The following SEMA3C variants were observed in gnomAD, a reference collection of about 807,000 sequenced individuals.
SEMA3C encodes semaphorin-3C.
A neutral mutation model predicts 89.4 loss-of-function variants in SEMA3C; 47 were observed. The observed-to-expected ratio is 0.53, with a 90% CI of 0.42 to 0.67. The LOEUF (loss-of-function observed/expected upper bound fraction) is 0.67. Among genes scored for constraint, SEMA3C ranks in the 30% least tolerant of loss-of-function variants. The pLI is 0.00. For synonymous variants in SEMA3C, 310 were observed against 320.2 expected (o/e 0.97, Z 0.34); for missense variants, 839 against 929.1 (o/e 0.90, Z 1.26).
intron 4 of SEMA3C, among the ~76,000 whole-genome samples, chr7:80,823,931 A>AT (rs1211818429): frequency 6.6e-6 from 1 of 152,142 alleles, no homozygotes; most frequent in Non-Finnish European, 1.5e-5. Context: ...AGAGAGAGAA[A>AT]TGGGGAGTAG....
chr7:80,847,553 C>T (rs2115917081), intron 2 of SEMA3C, among the ~76,000 whole-genome samples: 1 of 152,278 alleles, frequency 6.6e-6, no homozygotes, highest in Non-Finnish European at 1.5e-5. Flanking sequence ...TACAGAGGAA[C>T]ATACTTAAAC....
chr7:80,844,086 C>T lies in SEMA3C; in HGVS notation c.104-15341G>A, dbSNP rs547460271. On this transcript the variant is annotated intron_variant, in intron 2 of 17. Coordinates refer to ENST00000265361, the MANE Select transcript of SEMA3C (RefSeq NM_006379.5). The stretch of plus-strand genomic sequence containing the variant: ...CTTTCCCACATTTTGAATTTAAGTG[C>T]CAGTGTCCACACTCTCCTGTCCCCA... Among the ~76,000 whole-genome samples, 4 of 152,234 alleles carry T rather than the reference C, an allele frequency of 2.6e-5. No homozygotes were observed. The South Asian group carries it at 8.3e-4, about 32-fold the overall frequency.
At position 80,795,637 on chromosome 7, in the gene SEMA3C, G is replaced by T. The variant is rs181206497; in HGVS notation, c.1131+2455C>A. Among the ~76,000 whole-genome samples the T allele has an allele frequency of 8.3e-4, 126 of 152,314 alleles. 2 individuals are homozygous for T. The highest frequency in any genetic ancestry group is 4.6e-3 in the South Asian group (22 of 4,828). The stretch of plus-strand genomic sequence containing the variant: ...TTGGTTTATTCTGTTTTACTAAAAA[G>T]GGTTTAGTATTCCTACATTTTATGT... On this transcript the variant is annotated intron_variant, in intron 11 of 17. Transcript: ENST00000265361.
intron 2 of SEMA3C, among the ~76,000 whole-genome samples, chr7:80,853,250 G>A (rs1462682076): frequency 1.3e-5 from 2 of 152,108 alleles, no homozygotes; most frequent in African/African-American, 4.8e-5. Flanking sequence ...GTAAGATCCA[G>A]CAATCCCATT....
chr7:80,746,564 C>A (rs1224360992), intron 17 of SEMA3C, among the ~76,000 whole-genome samples: 1 of 151,898 alleles, frequency 6.6e-6, no homozygotes, highest in African/African-American at 2.4e-5. Context: ...TATATACTCT[C>A]ACATGTGTGC....
intron 2 of SEMA3C, among the ~76,000 whole-genome samples, chr7:80,881,067 T>C (rs1791325380): frequency 6.6e-6 from 1 of 151,934 alleles, no homozygotes; most frequent in Admixed American, 6.6e-5. Flanking sequence ...TCTACTGAAG[T>C]TAATTTAATT....
chr7:80,782,112 A>T (rs1346682638), intron 12 of SEMA3C, among the ~76,000 whole-genome samples: 1 of 152,212 alleles, frequency 6.6e-6, no homozygotes, highest in East Asian at 1.9e-4. Context: ...TGATACATCA[A>T]AAATGAAGGT....
At chr7:80,762,296 A>G (rs1438893096) in intron 13 of SEMA3C, among the ~76,000 whole-genome samples, 6 of 152,110 alleles carry the variant, frequency 3.9e-5, no homozygotes, top group African/African-American at 7.2e-5. Flanking sequence ...ACTCTGCATA[A>G]GACACTATTG....
Position 80,837,445 on chromosome 7 carries a change from A to G in SEMA3C, c.104-8700T>C, listed in dbSNP as rs543641542. Among the ~76,000 whole-genome samples the G allele has an allele frequency of 2.6e-5, 4 of 152,306 alleles. No individual in the cohort carries two copies. In the South Asian group the frequency reaches 6.2e-4, roughly 24 times the overall value. On this transcript the variant is annotated intron_variant, in intron 2 of 17. Coordinates refer to ENST00000265361, the MANE Select transcript of SEMA3C (RefSeq NM_006379.5). The stretch of plus-strand genomic sequence containing the variant: ...TTTTGTGGCAAAGTTACCTTGGGGT[A>G]AATGCTGCAGCTGCAAGGATTATTG...
chr7:80,865,552 C>T (rs1790905880), intron 2 of SEMA3C, among the ~76,000 whole-genome samples: 1 of 152,094 alleles, frequency 6.6e-6, no homozygotes, highest in South Asian at 2.1e-4. Flanking sequence ...CTTTGGGAGG[C>T]CAAGGCAGGT....
At chr7:80,770,098 C>T (rs2117070933) in intron 12 of SEMA3C, among the ~76,000 whole-genome samples, 1 of 152,142 alleles carries the variant, frequency 6.6e-6, no homozygotes, top group Non-Finnish European at 1.5e-5. Flanking sequence ...CTCATTGATT[C>T]AACAAGAAAG....
At position 80,905,989 on chromosome 7, in the gene SEMA3C, T is replaced by G; in HGVS notation, c.103+10690A>C. On this transcript the variant is annotated intron_variant, in intron 2 of 17. Transcript: ENST00000265361. ...TTAACTGAATAATAAAACCTCTTTG[T>G]AAGGAAGCTGGGTGAGTAGAGAGCA... The G allele has an allele frequency of 3.4e-6, 3 of 887,048 alleles. No individual in the cohort carries two copies. The South Asian group carries it at 4.2e-5, about 12-fold the overall frequency. The allele number at this position is 887,048 out of a possible 1,614,324, so 54.9% of individuals were successfully genotyped here. A position where few individuals can be genotyped will look rare whatever the true frequency, so the allele number is the denominator to read the frequency against.
intron 13 of SEMA3C, among the ~76,000 whole-genome samples, chr7:80,762,512 T>C (rs1788208373): frequency 6.6e-6 from 1 of 152,236 alleles, no homozygotes; most frequent in Non-Finnish European, 1.5e-5. Context: ...ATTAGTTACT[T>C]TTAATGATTA....
chr7:80,809,522 C>T (rs2115708934), intron 6 of SEMA3C, among the ~76,000 whole-genome samples: 1 of 152,270 alleles, frequency 6.6e-6, no homozygotes, highest in Admixed American at 6.5e-5. Flanking sequence ...AATAGCTGTA[C>T]TAATTTACAT....
chr7:80,913,912 C>T (rs980933993), intron 2 of SEMA3C, among the ~76,000 whole-genome samples: 8 of 152,132 alleles, frequency 5.3e-5, no homozygotes, highest in Non-Finnish European at 1.2e-4. Flanking sequence ...CTTGAAATTG[C>T]CTATGATGCT....
intron 6 of SEMA3C, 52 bp downstream of exon 6, chr7:80,810,559 A>T: frequency 6.9e-7 from 1 of 1,445,520 alleles, no homozygotes; most frequent in Non-Finnish European, 9.7e-7. Context: ...ATGTCAAGCT[A>T]ATTTTCCATG....
intron 2 of SEMA3C, among the ~76,000 whole-genome samples, chr7:80,851,251 A>C (rs1790504300): frequency 6.6e-6 from 1 of 152,100 alleles, no homozygotes; most frequent in Non-Finnish European, 1.5e-5. Flanking sequence ...TCATGCCTGT[A>C]AACTCAGCAC....
intron 12 of SEMA3C, among the ~76,000 whole-genome samples, chr7:80,766,961 G>A (rs1259854729): frequency 6.6e-6 from 1 of 152,198 alleles, no homozygotes; most frequent in Non-Finnish European, 1.5e-5. Context: ...CCTGCGGACA[G>A]CTCACCCCAA....
At chr7:80,864,256 C>G (rs57535735) in intron 2 of SEMA3C, among the ~76,000 whole-genome samples, 10,536 of 151,054 alleles carry the variant, frequency 0.07, 825 homozygotes, top group African/African-American at 0.18. Context: ...AGAGTGAGAG[C>G]GGGTGAGGGA....
Sources: gnomAD v4.1 joint callset for allele counts (sites outside exome capture counted in the v4.1 genomes callset) on GRCh38, gnomAD v4.1.1 for gene constraint, MANE v1.5 for transcripts, NCBI Gene and HGNC (gene_info 2026-07-23, HGNC 2026-07-21) for gene names.